The following VEPH1 variants were observed in gnomAD, a reference collection of about 807,000 sequenced individuals.
VEPH1 encodes ventricular zone-expressed PH domain-containing protein homolog 1.
In VEPH1, 80 loss-of-function variants were observed where a neutral mutation model predicts 85.2. That is an observed-to-expected ratio of 0.94 (90% CI 0.78 to 1.13). VEPH1 has a LOEUF of 1.13. VEPH1 is among the 50% of genes most tolerant of loss of function. The pLI, the probability that VEPH1 is intolerant of heterozygous loss-of-function variation, is 0.00. For synonymous variants in VEPH1, 297 were observed against 348.0 expected (o/e 0.85, Z 1.63); for missense variants, 955 against 980.5 (o/e 0.97, Z 0.35).
intron 9 of VEPH1, among the ~76,000 whole-genome samples, chr3:157,361,458 A>G (rs893822416): frequency 6.6e-6 from 1 of 152,210 alleles, no homozygotes; most frequent in Admixed American, 6.5e-5. Flanking sequence ...CTCTTCTAGT[A>G]CCTAAACCTG....
At chr3:157,397,549 T>C (rs1730500854) in intron 6 of VEPH1, among the ~76,000 whole-genome samples, 3 of 152,324 alleles carry the variant, frequency 2.0e-5, no homozygotes, top group Admixed American at 1.3e-4. Flanking sequence ...TTCCTATCAA[T>C]GAGTATGGTA....
At chr3:157,359,756 G>A in intron 9 of VEPH1, among the ~76,000 whole-genome samples, 1 of 152,074 alleles carries the variant, frequency 6.6e-6, no homozygotes, top group East Asian at 1.9e-4. Flanking sequence ...AGTATTATGT[G>A]GAACCATATG....
At chr3:157,307,206 A>G (rs1719612409) in intron 11 of VEPH1, among the ~76,000 whole-genome samples, 1 of 151,906 alleles carries the variant, frequency 6.6e-6, no homozygotes, top group Non-Finnish European at 1.5e-5. Flanking sequence ...GACTATATAT[A>G]TATATATGTT....
At chr3:157,345,795 G>T (rs1724148622) in intron 9 of VEPH1, among the ~76,000 whole-genome samples, 1 of 152,130 alleles carries the variant, frequency 6.6e-6, no homozygotes, top group Non-Finnish European at 1.5e-5. Context: ...GTCCATAAAT[G>T]ATATACTGGA....
Position 157,470,512 on chromosome 3 carries a change from G to T in VEPH1, c.156C>A (p.Asn52Lys). Reference protein sequence around the residue: ...ISSSSDYQTNNNDQAVVEICI... With the variant: ...ISSSSDYQTNKNDQAVVEICI... ...AGATTTCAACTACTGCCTGGTCATTGTTATTGGTTTGGTAATCCTGTTTGG... is the reference window on the plus strand; with the variant it reads ...AGATTTCAACTACTGCCTGGTCATTTTTATTGGTTTGGTAATCCTGTTTGG... Residue 52 changes from asparagine to lysine, a missense_variant, in exon 3 of 14, where the codon AAC (asparagine) becomes AAA (lysine). Transcript: ENST00000362010. The T allele has an allele frequency of 1.2e-6, 2 of 1,614,158 alleles. No homozygotes were observed. The highest frequency in any genetic ancestry group is 1.7e-6 in the Non-Finnish European group (2 of 1,179,998).
chr3:157,313,631 G>T lies in VEPH1; in HGVS notation c.2000C>A (p.Pro667Gln). The change falls in exon 11 of 14, where the codon CCA becomes CAA. Residue 667 changes from proline to glutamine, a missense_variant. By Grantham distance (76) the Pro-to-Gln change is moderately conservative. Coordinates refer to ENST00000362010, the MANE Select transcript of VEPH1 (RefSeq NM_001167912.2). Reference sequence around the variant, plus strand: ...GAAAGGAATATTTACCTTCTGCTGTGGAAACGTGGACTCCATCATGGCAGT... The same window carrying T: ...GAAAGGAATATTTACCTTCTGCTGTTGAAACGTGGACTCCATCATGGCAGT... ...FETAMMESTF[P>Q]QQKDLDQVQL... The T allele has an allele frequency of 6.2e-7, 1 of 1,614,026 alleles. No individual in the cohort carries two copies. The highest frequency in any genetic ancestry group is 8.5e-7 in the Non-Finnish European group (1 of 1,179,956).
At chr3:157,264,971 A>G (rs116444670) in intron 13 of VEPH1, among the ~76,000 whole-genome samples, 1 of 152,200 alleles carries the variant, frequency 6.6e-6, no homozygotes, top group South Asian at 2.1e-4. Context: ...TGAACATCCT[A>G]TTCAAATGGA....
chr3:157,344,322 C>T (rs1185809365), intron 9 of VEPH1, among the ~76,000 whole-genome samples: 7 of 152,210 alleles, frequency 4.6e-5, no homozygotes, highest in Non-Finnish European at 8.8e-5. Flanking sequence ...TAAGCAACTT[C>T]AGCAAAGTCT....
At chr3:157,305,964 C>T (rs1231889084) in intron 11 of VEPH1, among the ~76,000 whole-genome samples, 2 of 152,040 alleles carry the variant, frequency 1.3e-5, no homozygotes, top group Non-Finnish European at 2.9e-5. Flanking sequence ...CAAATATTTT[C>T]ATTTAAAATT....
chr3:157,443,076 C>T (rs1344064006), intron 4 of VEPH1: 11 of 1,366,970 alleles, frequency 8.0e-6, no homozygotes, highest in Non-Finnish European at 9.9e-6. Flanking sequence ...AATAGGAACA[C>T]TTGAGACTAA....
chr3:157,450,571 AAT>A (rs535587202), intron 4 of VEPH1, among the ~76,000 whole-genome samples: 82 of 149,872 alleles, frequency 5.5e-4, no homozygotes, highest in African/African-American at 1.8e-3. Context: ...TATATAGTGA[AAT>A]ATATATATAT....
intron 4 of VEPH1, chr3:157,459,915 C>T: frequency 6.5e-7 from 1 of 1,537,174 alleles, no homozygotes; most frequent in East Asian, 2.4e-5. Context: ...CACGGAAATG[C>T]AGTTCTTCAA....
In VEPH1 at chr3:157,495,319, G is replaced by C; in HGVS notation, c.31C>G (p.Gln11Glu). The change falls in exon 2 of 14, where the codon CAA (glutamine) becomes GAA (glutamate). Residue 11 changes from glutamine to glutamate, a missense_variant. Gln to Glu is a conservative substitution (Grantham distance 29). Transcript: ENST00000362010. ...TCCCCAGCTCGTGAAAGATCTTTTT[G>C]TCCCAAAACCAGTCTGAACAGTTGA... MHQLFRLVLG[Q>E]KDLSRAGDLF... The C allele has an allele frequency of 6.2e-7, 1 of 1,614,000 alleles. No homozygotes were observed. The highest frequency in any genetic ancestry group is 8.5e-7 in the Non-Finnish European group (1 of 1,179,916).
chr3:157,414,732 T>A (rs1731770348), intron 5 of VEPH1, among the ~76,000 whole-genome samples: 1 of 152,200 alleles, frequency 6.6e-6, no homozygotes, highest in Admixed American at 6.6e-5. Context: ...TTTTGTGGAA[T>A]AAAGACTCTA....
intron 3 of VEPH1, among the ~76,000 whole-genome samples, chr3:157,461,605 C>A (rs948261339): frequency 6.6e-6 from 1 of 152,122 alleles, no homozygotes; most frequent in East Asian, 1.9e-4. Context: ...TAGAACTCCA[C>A]CTTTATACAT....
intron 1 of VEPH1, among the ~76,000 whole-genome samples, chr3:157,496,786 C>T (rs1401793808): frequency 6.6e-6 from 1 of 152,182 alleles, no homozygotes; most frequent in South Asian, 2.1e-4. Flanking sequence ...TTTCATTACA[C>T]ACTCAACTAA....
At chr3:157,392,010 A>G (rs935910769) in intron 6 of VEPH1, among the ~76,000 whole-genome samples, 4 of 152,228 alleles carry the variant, frequency 2.6e-5, no homozygotes, top group African/African-American at 4.8e-5. Context: ...GAGAAATAAA[A>G]TATTGTCCAG....
At chr3:157,332,819 T>C (rs1722628818) in intron 9 of VEPH1, among the ~76,000 whole-genome samples, 1 of 152,250 alleles carries the variant, frequency 6.6e-6, no homozygotes, top group Non-Finnish European at 1.5e-5. Context: ...AATGGTCATA[T>C]ATTTTAAAAT....
intron 3 of VEPH1, among the ~76,000 whole-genome samples, chr3:157,468,774 T>C (rs1736633365): frequency 6.6e-6 from 1 of 152,180 alleles, no homozygotes; most frequent in Admixed American, 6.5e-5. Context: ...ATTTTTTAAT[T>C]GAGATAAAAT....
Sources: gnomAD v4.1 joint callset for allele counts (sites outside exome capture counted in the v4.1 genomes callset) on GRCh38, gnomAD v4.1.1 for gene constraint, MANE v1.5 for transcripts, NCBI Gene and HGNC (gene_info 2026-07-23, HGNC 2026-07-21) for gene names.